The following FAM222B variants were observed in gnomAD, a reference collection of about 807,000 sequenced individuals.
FAM222B encodes the protein protein FAM222B.
Under a neutral mutation model 38.0 loss-of-function variants are expected in FAM222B, and 12 were observed. That is an observed-to-expected ratio of 0.32 (90% CI 0.20 to 0.51). FAM222B has a LOEUF of 0.51. FAM222B is among the 20% of genes least tolerant of loss of function. The pLI is 0.97. For synonymous variants in FAM222B, 329 were observed against 317.2 expected (o/e 1.04, Z -0.40); for missense variants, 716 against 754.2 (o/e 0.95, Z 0.59).
intron 1 of FAM222B, among the ~76,000 whole-genome samples, chr17:28,830,424 T>G (rs1381108695): frequency 1.3e-5 from 2 of 152,066 alleles, no homozygotes; most frequent in Non-Finnish European, 2.9e-5. Context: ...TCTCCCAAAG[T>G]GCTGGGATTA....
chr17:28,792,076 C>T (rs1251753824), intron 1 of FAM222B, among the ~76,000 whole-genome samples: 1 of 148,870 alleles, frequency 6.7e-6, no homozygotes, highest in Non-Finnish European at 1.5e-5. Flanking sequence ...CTTTGGGAGG[C>T]CAAGGCGGGC....
In FAM222B at chr17:28,800,228, C is replaced by T. The variant is rs867773300; in HGVS notation, c.-40-33521G>A. Reference sequence around the variant, plus strand: ...GTATTTTTCACAGACGGGGTTTCTCCATGTTGGTCAGGCTGGTCTCGAACT... The same window carrying T: ...GTATTTTTCACAGACGGGGTTTCTCTATGTTGGTCAGGCTGGTCTCGAACT... On this transcript the variant is annotated intron_variant, in intron 1 of 2. Coordinates refer to ENST00000581407, the MANE Select transcript of FAM222B (RefSeq NM_001077498.3). Among the ~76,000 whole-genome samples the T allele has an allele frequency of 7.2e-5, 11 of 152,056 alleles. No individual in the cohort carries two copies. In the South Asian group the frequency reaches 8.3e-4, roughly 11 times the overall value.
At chr17:28,818,665 G>A (rs2038111735) in intron 1 of FAM222B, among the ~76,000 whole-genome samples, 1 of 152,158 alleles carries the variant, frequency 6.6e-6, no homozygotes, top group Non-Finnish European at 1.5e-5. Flanking sequence ...CACTTGTATG[G>A]TATATTTTTC....
upstream of FAM222B, among the ~76,000 whole-genome samples, chr17:28,845,471 C>T (rs1482304892): frequency 5.6e-5 from 8 of 143,362 alleles, no homozygotes; most frequent in East Asian, 1.2e-3. Context: ...CCCAGCTACA[C>T]GGGAGGCCGA....
chr17:28,829,875 A>T lies in FAM222B; in HGVS notation c.-41+12807T>A, dbSNP rs138138153. 6.4e-3 allele frequency among the ~76,000 whole-genome samples: 970 copies of T among 151,528 alleles called. 9 individuals carry two copies. Among genetic ancestry groups the T allele is most frequent in the African/African-American group, 0.022 (925 of 41,300 alleles). ...ATTTTTTTTTTTGAGACCGAGTCTC[A>T]CTCTGTCTCCCAAGCTGGAGTTGGA... is the stretch of plus-strand genomic sequence containing the variant. On this transcript the variant is annotated intron_variant, in intron 1 of 2. Coordinates refer to ENST00000581407, the MANE Select transcript of FAM222B (RefSeq NM_001077498.3).
chr17:28,788,113 C>T (rs889165570), intron 1 of FAM222B, among the ~76,000 whole-genome samples: 1 of 152,074 alleles, frequency 6.6e-6, no homozygotes, highest in African/African-American at 2.4e-5. Flanking sequence ...CGTGAGCCAC[C>T]GCACCCAGCC....
chr17:28,768,271 TGA>T (rs1034222471), intron 1 of FAM222B, among the ~76,000 whole-genome samples: 5 of 152,212 alleles, frequency 3.3e-5, no homozygotes, highest in African/African-American at 4.8e-5. Context: ...CTTATTTTCT[TGA>T]GAGGGCTCTC....
chr17:28,818,295 G>A (rs1052415164), intron 1 of FAM222B, among the ~76,000 whole-genome samples: 1 of 152,086 alleles, frequency 6.6e-6, no homozygotes, highest in Non-Finnish European at 1.5e-5. Flanking sequence ...TTGGGAGGCC[G>A]AGGTGGGCGG....
At chr17:28,770,277 C>A (rs2035561226) in intron 1 of FAM222B, among the ~76,000 whole-genome samples, 1 of 152,202 alleles carries the variant, frequency 6.6e-6, no homozygotes. Context: ...ATATAAAAGG[C>A]AGATTGTTAT....
intron 1 of FAM222B, among the ~76,000 whole-genome samples, chr17:28,833,653 A>T (rs1238733698): frequency 6.6e-6 from 1 of 151,732 alleles, no homozygotes; most frequent in East Asian, 1.9e-4. Context: ...GAAAAAAAAA[A>T]TTGAAAAATA....
At chr17:28,769,395 A>C (rs529993448) in intron 1 of FAM222B, among the ~76,000 whole-genome samples, 1 of 151,976 alleles carries the variant, frequency 6.6e-6, no homozygotes, top group African/African-American at 2.4e-5. Flanking sequence ...GTTAGCCAGG[A>C]TGGTCTCAAT....
rs1236033828 is a variant in FAM222B, at chr17:28,817,802, T to A, written c.-41+24880A>T. 2.0e-5 allele frequency among the ~76,000 whole-genome samples: 3 copies of A among 152,062 alleles called. No individual in the cohort carries two copies. The East Asian group carries it at 5.8e-4, about 29-fold the overall frequency. On this transcript the variant is annotated intron_variant, in intron 1 of 2. Coordinates refer to ENST00000581407, the MANE Select transcript of FAM222B (RefSeq NM_001077498.3). ...CCATGACTTTGGGAGACTATGGATA[T>A]GGGACAGGACAGAAGGAGAATCATT...
rs28771146 is a variant in FAM222B, at chr17:28,852,058, A to T, written c.-41+2892T>A. ...CAGAGTGAGACTGTGGCTCAAAAAA[A>T]TTTTTTTTTAATTAAAAAAAGCAAC... is the stretch of plus-strand genomic sequence containing the variant. On this transcript the variant is annotated intron_variant, in intron 1 of 2. Coordinates refer to the FAM222B transcript ENST00000577513. 1.9e-3 allele frequency among the ~76,000 whole-genome samples: 283 copies of T among 151,020 alleles called. 5 individuals are homozygous for T. Among genetic ancestry groups the T allele is most frequent in the African/African-American group, 6.1e-3 (251 of 41,184 alleles).
At chr17:28,774,550 GAACA>G (rs2035793964) in intron 1 of FAM222B, among the ~76,000 whole-genome samples, 1 of 152,046 alleles carries the variant, frequency 6.6e-6, no homozygotes, top group Non-Finnish European at 1.5e-5. Flanking sequence ...TCTAATTAAG[GAACA>G]AACCTTTTTC....
chr17:28,769,576 CGT>C (rs1230126619), intron 1 of FAM222B, among the ~76,000 whole-genome samples: 2 of 152,218 alleles, frequency 1.3e-5, no homozygotes, highest in African/African-American at 4.8e-5. Flanking sequence ...GGATTACAGA[CGT>C]GAGCCACCGC....
At chr17:28,813,154 A>G (rs201445490) in intron 1 of FAM222B, among the ~76,000 whole-genome samples, 1 of 96,076 alleles carries the variant, frequency 1.0e-5, no homozygotes, top group Admixed American at 1.1e-4. Context: ...CACACATACA[A>G]AAAAAAAAAA....
intron 2 of FAM222B, among the ~76,000 whole-genome samples, chr17:28,765,145 TA>T (rs1474982620): frequency 6.6e-6 from 1 of 152,206 alleles, no homozygotes; most frequent in East Asian, 1.9e-4. Flanking sequence ...TGTTATTACA[TA>T]GAGCTGGATT....
chr17:28,824,804 C>T (rs1482349953), intron 1 of FAM222B, among the ~76,000 whole-genome samples: 4 of 152,142 alleles, frequency 2.6e-5, no homozygotes, highest in Admixed American at 2.6e-4. Flanking sequence ...GGTGGAGTTT[C>T]GCTCTTGTTG....
intron 1 of FAM222B, among the ~76,000 whole-genome samples, chr17:28,813,141 AC>A (rs1368715275): frequency 6.3e-5 from 8 of 127,328 alleles, no homozygotes; most frequent in East Asian, 4.3e-4. Context: ...AAAAAAAAAA[AC>A]ACACACATAC....
Sources: allele counts gnomAD v4.1 joint callset (sites outside exome capture counted in the v4.1 genomes callset), GRCh38; gene constraint gnomAD v4.1.1; transcripts MANE v1.5; gene names NCBI Gene and HGNC (gene_info 2026-07-23, HGNC 2026-07-21).